Variants in EPC1 observed in about 807,000 individuals in gnomAD.
The protein encoded by EPC1 is enhancer of polycomb 1.
EPC1 carries 12 observed loss-of-function variants against 98.4 expected under a neutral mutation model. That is an observed-to-expected ratio of 0.12 (90% CI 0.08 to 0.20). The LOEUF is 0.20. Among genes scored for constraint, EPC1 ranks in the 10% least tolerant of loss-of-function variants. The pLI is 1.00. For missense variants in EPC1, 729 were observed against 990.5 expected (o/e 0.74, Z 3.54); for synonymous variants, 357 against 363.9 (o/e 0.98, Z 0.21).
At chr10:32,344,593 C>T (rs1381617230) in intron 1 of EPC1, among the ~76,000 whole-genome samples, 3 of 149,842 alleles carry the variant, frequency 2.0e-5, no homozygotes, top group Admixed American at 6.7e-5. Context: ...CAAAACCAGT[C>T]TGGCCAACAT....
At chr10:32,308,906 G>C (rs1212939303) in intron 1 of EPC1, among the ~76,000 whole-genome samples, 1 of 152,118 alleles carries the variant, frequency 6.6e-6, no homozygotes, top group Non-Finnish European at 1.5e-5. Flanking sequence ...CAGATAAACG[G>C]ATAAAGGAAA....
Position 32,353,694 on chromosome 10 carries a change from G to A in EPC1, c.3+24797C>T, listed in dbSNP as rs189849251. On this transcript the variant is annotated intron_variant, in intron 1 of 13. Coordinates refer to the EPC1 transcript ENST00000375110. The stretch of plus-strand genomic sequence containing the variant: ...AGGTACTGTATTTGTATTTAATTGG[G>A]AAAATGTGAAATTAATATCTTTAAA... 3.5e-3 allele frequency among the ~76,000 whole-genome samples: 529 copies of A among 152,292 alleles called. 3 individuals are homozygous for A. The highest frequency in any genetic ancestry group is 0.012 in the African/African-American group (511 of 41,566).
chr10:32,351,324 C>G (rs1249567894), upstream of EPC1, among the ~76,000 whole-genome samples: 2 of 152,174 alleles, frequency 1.3e-5, no homozygotes, highest in Admixed American at 1.3e-4. Flanking sequence ...TTAAGACAAG[C>G]TTTTCACTCT....
intron 1 of EPC1, among the ~76,000 whole-genome samples, chr10:32,371,096 T>C (rs1409453037): frequency 6.6e-6 from 1 of 152,228 alleles, no homozygotes; most frequent in African/African-American, 2.4e-5. Flanking sequence ...TGGCAATTTG[T>C]TTCTTGACAA....
At chr10:32,291,544 TTAG>T in intron 5 of EPC1, 1 of 342,020 alleles carries the variant, frequency 2.9e-6, no homozygotes, top group African/African-American at 2.1e-5. Flanking sequence ...ATGCTGTACA[TTAG>T]GTCTCCAGAA....
chr10:32,272,935 G>GT, intron 11 of EPC1: 1 of 1,194,486 alleles, frequency 8.4e-7, no homozygotes, highest in South Asian at 1.3e-5. Flanking sequence ...CGGGAAGACA[G>GT]TATCTTCATC....
intron 1 of EPC1, among the ~76,000 whole-genome samples, chr10:32,324,828 C>T (rs1237364321): frequency 6.6e-6 from 1 of 151,890 alleles, no homozygotes. Context: ...CCCGTCTCCA[C>T]GAAAAATACA....
chr10:32,378,454 C>CA, intron 1 of EPC1: 1 of 1,527,880 alleles, frequency 6.5e-7, no homozygotes. Context: ...GTGGCTCTTT[C>CA]AAAGACTGAC....
intron 6 of EPC1, 103 bp downstream of exon 6, chr10:32,291,060 A>G (rs965395498): frequency 5.6e-6 from 6 of 1,076,228 alleles, no homozygotes; most frequent in South Asian, 1.5e-5. Context: ...TACAGGCGTG[A>G]GCCACTGTGC....
chr10:32,334,042 G>A (rs147753186), intron 1 of EPC1, among the ~76,000 whole-genome samples: 121 of 152,334 alleles, frequency 7.9e-4, no homozygotes, highest in African/African-American at 2.6e-3. Context: ...TACCTTTCAT[G>A]GGGAAAGGCG....
chr10:32,343,014 A>C (rs1247497485), intron 1 of EPC1, among the ~76,000 whole-genome samples: 1 of 152,224 alleles, frequency 6.6e-6, no homozygotes, highest in Admixed American at 6.5e-5. Flanking sequence ...TTATAATCTT[A>C]AAGTTAACAT....
chr10:32,269,234 A>C (rs1411890701), intron 13 of EPC1, 99 bp from the exon 14 acceptor site: 3 of 987,426 alleles, frequency 3.0e-6, no homozygotes, highest in Non-Finnish European at 4.6e-6. Context: ...ATTAACAGGA[A>C]GAAATTGGAC....
rs905315793 is a variant in EPC1 at position 32,344,324 on chromosome 10, A to G, written c.153+2439T>C. 6.6e-5 allele frequency among the ~76,000 whole-genome samples: 10 copies of G among 152,260 alleles called. No homozygotes were observed. The South Asian group carries it at 1.2e-3, about 19-fold the overall frequency. On this transcript the variant is annotated intron_variant, in intron 1 of 13. Coordinates refer to ENST00000319778, the MANE Select transcript of EPC1 (RefSeq NM_001272004.3). Reference sequence around the variant, plus strand: ...CATTCTTCCATTAGGTTCAGTGTCTATTCTTGAGGTCTATGCTTCTCTCCT... The same window carrying G: ...CATTCTTCCATTAGGTTCAGTGTCTGTTCTTGAGGTCTATGCTTCTCTCCT...
intron 1 of EPC1, among the ~76,000 whole-genome samples, chr10:32,372,704 C>T (rs73247778): frequency 0.042 from 6,344 of 152,284 alleles, 430 homozygotes; most frequent in African/African-American, 0.14. Context: ...GAAGATTCAA[C>T]AGCAATATCA....
chr10:32,298,327 G>A (rs758540630), intron 2 of EPC1, among the ~76,000 whole-genome samples: 2 of 152,060 alleles, frequency 1.3e-5, no homozygotes, highest in South Asian at 2.1e-4. Flanking sequence ...TTCAAACAGC[G>A]TTTTAAAAAT....
chr10:32,365,041 C>G (rs903400507), intron 1 of EPC1, among the ~76,000 whole-genome samples: 1 of 151,804 alleles, frequency 6.6e-6, no homozygotes, highest in African/African-American at 2.4e-5. Context: ...AAAGAAAGCA[C>G]TAAGAGAAGT....
chr10:32,270,551 G>A lies in EPC1; in HGVS notation c.2369+1003C>T, dbSNP rs571898872. On this transcript the variant is annotated intron_variant, in intron 13 of 13. Coordinates refer to ENST00000319778, the MANE Select transcript of EPC1 (RefSeq NM_001272004.3). ...TAATAAGAATAGCTTAACGCCGGGC[G>A]TGGTGGCTCATGCCTGTAATTCCAG... Among the ~76,000 whole-genome samples the A allele has an allele frequency of 1.6e-3, 248 of 152,240 alleles. 2 individuals are homozygous for A. The highest frequency in any genetic ancestry group is 5.8e-3 in the African/African-American group (240 of 41,540).
At chr10:32,300,026 C>A (rs1835401076) in intron 2 of EPC1, among the ~76,000 whole-genome samples, 1 of 29,046 alleles carries the variant, frequency 3.4e-5, no homozygotes, top group Non-Finnish European at 6.2e-5. Context: ...CCATCTCCTG[C>A]CTCACCTCCT....
chr10:32,292,792 G>C (rs1467751129), intron 4 of EPC1, 148 bp from the exon 5 acceptor site: 1 of 870,006 alleles, frequency 1.1e-6, no homozygotes, highest in Admixed American at 3.5e-5. Flanking sequence ...AATCAATTTT[G>C]TATTGATTTT....
Sources: gnomAD v4.1 joint callset for allele counts (sites outside exome capture counted in the v4.1 genomes callset) on GRCh38, gnomAD v4.1.1 for gene constraint, MANE v1.5 for transcripts, NCBI Gene and HGNC (gene_info 2026-07-23, HGNC 2026-07-21) for gene names.